The following RSBN1L variants were observed in gnomAD, a reference collection of about 807,000 sequenced individuals.
RSBN1L encodes round spermatid basic protein 1 like.
In RSBN1L, 30 loss-of-function variants were observed where a neutral mutation model predicts 67.7. The ratio of observed to expected loss-of-function variants is 0.44; its 90% CI spans 0.33 to 0.60. RSBN1L has a LOEUF of 0.60. Ranked by LOEUF, RSBN1L falls within the 20% of genes least tolerant of loss-of-function variation. The pLI is 0.02. For synonymous variants in RSBN1L, 433 were observed against 387.0 expected (o/e 1.12, Z -1.39); for missense variants, 992 against 1,031.7 (o/e 0.96, Z 0.53).
chr7:77,708,573 G>A lies in RSBN1L; in HGVS notation c.586+11518G>A, dbSNP rs190858374. Among the ~76,000 whole-genome samples the A allele has an allele frequency of 1.6e-3, 247 of 151,986 alleles. 1 individual carries two copies. Among genetic ancestry groups the A allele is most frequent in the African/African-American group, 5.5e-3 (228 of 41,448 alleles). On this transcript the variant is annotated intron_variant, in intron 1 of 7. Coordinates refer to ENST00000334955, the MANE Select transcript of RSBN1L (RefSeq NM_198467.3). Reference sequence around the variant, plus strand: ...ATTTTTTTGTATTTTTAGTAGAGACGGGGTTTCACGGTGTTAGCCAGGATG... The same window carrying A: ...ATTTTTTTGTATTTTTAGTAGAGACAGGGTTTCACGGTGTTAGCCAGGATG...
chr7:77,734,120 T>C (rs1294584657), intron 1 of RSBN1L, among the ~76,000 whole-genome samples: 1 of 152,078 alleles, frequency 6.6e-6, no homozygotes. Flanking sequence ...AGCAAGACTT[T>C]GTCTCAAAAA....
At chr7:77,749,249 G>C (rs1389631885) in intron 2 of RSBN1L, among the ~76,000 whole-genome samples, 175 bp from the exon 3 acceptor site, 2 of 151,972 alleles carry the variant, frequency 1.3e-5, no homozygotes, top group Non-Finnish European at 2.9e-5. Context: ...GCAAGACTCT[G>C]TCTCAAAAAA....
At chr7:77,714,065 G>A (rs575118636) in intron 1 of RSBN1L, among the ~76,000 whole-genome samples, 1 of 152,056 alleles carries the variant, frequency 6.6e-6, no homozygotes, top group Non-Finnish European at 1.5e-5. Context: ...ATGTGTAGTT[G>A]GGTCTGTTTT....
intron 1 of RSBN1L, among the ~76,000 whole-genome samples, chr7:77,721,065 T>C (rs1294064973): frequency 6.6e-6 from 1 of 152,092 alleles, no homozygotes. Flanking sequence ...CTTATGTGGA[T>C]TTAACACTTA....
At chr7:77,760,516 TTTA>T (rs1199423073) in intron 3 of RSBN1L, among the ~76,000 whole-genome samples, 19 of 152,336 alleles carry the variant, frequency 1.2e-4, no homozygotes, top group African/African-American at 4.3e-4. Flanking sequence ...ATGCCTGTCT[TTTA>T]TTGTGTTCTG....
chr7:77,737,181 G>A (rs943728596), intron 2 of RSBN1L, among the ~76,000 whole-genome samples: 9 of 152,130 alleles, frequency 5.9e-5, no homozygotes, highest in South Asian at 4.1e-4. Flanking sequence ...TAGAATAGAC[G>A]TAAGGATAGT....
chr7:77,777,077 TGTC>T (rs2150435372), intron 6 of RSBN1L, among the ~76,000 whole-genome samples: 1 of 151,994 alleles, frequency 6.6e-6, no homozygotes, highest in Non-Finnish European at 1.5e-5. Flanking sequence ...ATTTCAGTAT[TGTC>T]AACTTACCAC....
At chr7:77,710,499 C>G (rs1236850065) in intron 1 of RSBN1L, among the ~76,000 whole-genome samples, 3 of 152,190 alleles carry the variant, frequency 2.0e-5, no homozygotes, top group Non-Finnish European at 4.4e-5. Context: ...CTCTAGGTCT[C>G]AACTTGAGAG....
chr7:77,769,000 T>A (rs1791810360), intron 5 of RSBN1L, among the ~76,000 whole-genome samples, 197 bp downstream of exon 5: 1 of 152,192 alleles, frequency 6.6e-6, no homozygotes, highest in African/African-American at 2.4e-5. Context: ...TGTAGGCAAA[T>A]GACAAGAAAT....
At chr7:77,724,347 T>C (rs1311405586) in intron 1 of RSBN1L, among the ~76,000 whole-genome samples, 2 of 152,128 alleles carry the variant, frequency 1.3e-5, no homozygotes, top group Non-Finnish European at 2.9e-5. Flanking sequence ...ACATAATTAT[T>C]AATTCTTTCG....
In RSBN1L at chr7:77,765,536, A is replaced by C; in HGVS notation, c.1386A>C (p.Pro462=). 6 of 1,611,294 alleles carry C rather than the reference A, an allele frequency of 3.7e-6. No homozygotes were observed. Among genetic ancestry groups the C allele is most frequent in the Non-Finnish European group, 5.1e-6 (6 of 1,178,268 alleles). The part of the protein sequence containing the change: ...TYSHGTYRAG[P]MRQISLVGAV... The stretch of plus-strand genomic sequence containing the variant: ...CTCATGGTACTTACAGAGCTGGCCC[A>C]ATGAGACAAATAAGCTTGGTGGGAG... Residue 462 remains proline (P), a synonymous_variant, in exon 4 of 8, where the codon CCA becomes CCC. Transcript: ENST00000334955.
chr7:77,775,105 C>A (rs1162749359), intron 6 of RSBN1L, among the ~76,000 whole-genome samples: 1 of 152,066 alleles, frequency 6.6e-6, no homozygotes, highest in African/African-American at 2.4e-5. Context: ...GGCAGTATGT[C>A]CAGAGTTGGC....
At chr7:77,765,283 AT>A (rs1282008695) in intron 3 of RSBN1L, among the ~76,000 whole-genome samples, 3 of 152,300 alleles carry the variant, frequency 2.0e-5, no homozygotes, top group African/African-American at 7.2e-5. Flanking sequence ...AAATAGCTTG[AT>A]TTAGTGCAAG....
chr7:77,702,442 TTC>T (rs1790830968), intron 1 of RSBN1L, among the ~76,000 whole-genome samples: 1 of 152,212 alleles, frequency 6.6e-6, no homozygotes, highest in African/African-American at 2.4e-5. Context: ...TCTTACTTAT[TTC>T]TGTTTGTTTT....
chr7:77,696,879 C>A lies in RSBN1L; in HGVS notation c.410C>A (p.Ala137Asp). 1 of 1,609,882 alleles carries A rather than the reference C, an allele frequency of 6.2e-7. No homozygotes were observed. Among genetic ancestry groups the A allele is most frequent in the Admixed American group, 1.7e-5 (1 of 60,022 alleles). The change falls in exon 1 of 8, where the codon GCT (alanine) becomes GAT (aspartate). Residue 137 changes from alanine to aspartate, a missense_variant. Ala to Asp is a moderately radical substitution (Grantham distance 126, BLOSUM62 -2). Coordinates refer to ENST00000334955, the MANE Select transcript of RSBN1L (RefSeq NM_198467.3). ...CTGGTCCCTCCTACGCTGCTGCACG[C>A]TCAGCCTCACCATCTCCTCCTGCCC... is the stretch of plus-strand genomic sequence containing the variant. Reference protein sequence around the residue: ...KLLVPPTLLHAQPHHLLLPAA... With the variant: ...KLLVPPTLLHDQPHHLLLPAA...
intron 2 of RSBN1L, among the ~76,000 whole-genome samples, chr7:77,743,506 T>C (rs958954937): frequency 1.3e-5 from 2 of 151,478 alleles, no homozygotes; most frequent in Non-Finnish European, 2.9e-5. Context: ...TGATTTCTTA[T>C]TGGTTTGCAT....
chr7:77,707,050 G>C (rs1288044620), intron 1 of RSBN1L, among the ~76,000 whole-genome samples: 1 of 140,900 alleles, frequency 7.1e-6, no homozygotes, highest in Non-Finnish European at 1.5e-5. Flanking sequence ...TTGAAACAGA[G>C]TCTCACTCTG....
chr7:77,742,182 T>TACACACACACACACACAC (rs1169498942), intron 2 of RSBN1L, among the ~76,000 whole-genome samples: 3 of 80,294 alleles, frequency 3.7e-5, no homozygotes, highest in African/African-American at 1.8e-4. Context: ...AAAAAAAAAA[T>TACACACACACACACACAC]ACACACACAC....
chr7:77,718,171 G>A (rs962831290), intron 1 of RSBN1L, among the ~76,000 whole-genome samples: 4 of 152,162 alleles, frequency 2.6e-5, no homozygotes, highest in African/African-American at 7.2e-5. Context: ...TAGGAAAAGC[G>A]AGCTCTACAA....
Sources: allele counts gnomAD v4.1 joint callset (sites outside exome capture counted in the v4.1 genomes callset), GRCh38; gene constraint gnomAD v4.1.1; transcripts MANE v1.5; gene names NCBI Gene and HGNC (gene_info 2026-07-23, HGNC 2026-07-21).